Variants in CDH13 observed in about 807,000 individuals in gnomAD.
The protein encoded by CDH13 is cadherin-13.
In CDH13, 24 loss-of-function variants were observed where a neutral mutation model predicts 63.8. The observed-to-expected ratio is 0.38, with a 90% CI of 0.27 to 0.53. The LOEUF (loss-of-function observed/expected upper bound fraction) is 0.53. Among genes scored for constraint, CDH13 ranks in the 20% least tolerant of loss-of-function variants. CDH13 has a pLI of 0.85. For missense variants in CDH13, 1,049 were observed against 903.1 expected, an observed-to-expected ratio of 1.16 and a Z score of -2.07; for synonymous variants, 503 against 355.3, an observed-to-expected ratio of 1.42 and a Z score of -4.67.
chr16:83,539,170 A>G lies in CDH13; in HGVS notation c.960+52515A>G, dbSNP rs999861559. On this transcript the variant is annotated intron_variant, in intron 7 of 13. Coordinates refer to ENST00000567109, the MANE Select transcript of CDH13 (RefSeq NM_001257.5). ...CCAGGGACCGGTTTTGTGGAAGACA[A>G]TTTTTCTGTGGGCAAGGGTGGGGGA... 7.2e-5 allele frequency among the ~76,000 whole-genome samples: 11 copies of G among 152,098 alleles called. No homozygotes were observed. In the East Asian group the frequency reaches 1.7e-3, roughly 24 times the overall value.
At chr16:83,730,727 C>T (rs1010417689) in intron 10 of CDH13, among the ~76,000 whole-genome samples, 3 of 152,020 alleles carry the variant, frequency 2.0e-5, no homozygotes, top group East Asian at 1.9e-4. Flanking sequence ...GGGTCTATTG[C>T]GTGTTGCTGA....
At chr16:82,774,545 T>G (rs1374525167) in intron 1 of CDH13, among the ~76,000 whole-genome samples, 1 of 152,248 alleles carries the variant, frequency 6.6e-6, no homozygotes, top group African/African-American at 2.4e-5. Flanking sequence ...AAGAATTATT[T>G]CATTCAACAA....
In CDH13 at chr16:83,447,415, C is replaced by CA. The variant is rs1033738026; in HGVS notation, c.782-39055dup. ...GGGCTACAAGAGCTAGACTCCATCC[C>CA]AAAAAAACAAAGAAAAAAAAGTTTG... On this transcript the variant is annotated intron_variant, in intron 6 of 13. Transcript: ENST00000567109. Among the ~76,000 whole-genome samples, 130 of 151,608 alleles carry CA rather than the reference C, an allele frequency of 8.6e-4. 1 individual carries two copies. The highest frequency in any genetic ancestry group is 3.0e-3 in the African/African-American group (124 of 41,324).
At chr16:83,216,127 TG>T (rs2039500918) in intron 4 of CDH13, among the ~76,000 whole-genome samples, 1 of 151,882 alleles carries the variant, frequency 6.6e-6, no homozygotes, top group African/African-American at 2.4e-5. Flanking sequence ...TCCCTCTGCC[TG>T]GAACTACTCT....
chr16:82,738,855 T>C (rs1418587651), intron 1 of CDH13, among the ~76,000 whole-genome samples: 2 of 152,236 alleles, frequency 1.3e-5, no homozygotes, highest in Non-Finnish European at 2.9e-5. Context: ...CATGAACATG[T>C]CTTACCATTT....
Position 83,437,375 on chromosome 16 carries a change from G to A in CDH13, c.782-49102G>A, listed in dbSNP as rs565105255. Among the ~76,000 whole-genome samples, 7 of 152,014 alleles carry A rather than the reference G, an allele frequency of 4.6e-5. No homozygotes were observed. The East Asian group carries it at 5.8e-4, about 13-fold the overall frequency. On this transcript the variant is annotated intron_variant, in intron 6 of 13. Coordinates refer to ENST00000567109, the MANE Select transcript of CDH13 (RefSeq NM_001257.5). ...ACTCAGCTTAATAATGTACATATTC[G>A]ATTAATAAGATAAAGGCTGGCCGGG... is the stretch of plus-strand genomic sequence containing the variant.
chr16:83,033,745 C>T (rs577137413), intron 3 of CDH13, among the ~76,000 whole-genome samples: 3 of 152,300 alleles, frequency 2.0e-5, no homozygotes, highest in South Asian at 2.1e-4. Context: ...CTACTGACTC[C>T]TGCCTTCTTC....
At chr16:83,015,677 G>GTATATATATATATATATATA (rs71148803) in intron 2 of CDH13, among the ~76,000 whole-genome samples, 2 of 37,564 alleles carry the variant, frequency 5.3e-5, no homozygotes, top group African/African-American at 8.7e-5. Context: ...GTGTGTGTAT[G>GTATATATATATATATATATA]TATATATATA....
intron 1 of CDH13, among the ~76,000 whole-genome samples, chr16:82,697,053 C>G (rs557178504): frequency 6.6e-6 from 1 of 152,244 alleles, no homozygotes; most frequent in East Asian, 1.9e-4. Context: ...AACCAGAACA[C>G]CAGTTATGTC....
intron 2 of CDH13, among the ~76,000 whole-genome samples, chr16:83,026,163 G>C (rs552679942): frequency 1.3e-5 from 2 of 152,328 alleles, no homozygotes; most frequent in Non-Finnish European, 2.9e-5. Context: ...GTTGTTCTCA[G>C]TGTGACCTCA....
intron 1 of CDH13, chr16:82,844,804 T>A (rs1472392809): frequency 3.7e-5 from 2 of 54,096 alleles, no homozygotes; most frequent in African/African-American, 8.5e-5. Context: ...CAAGCCCTGC[T>A]AATTTTTATT....
chr16:82,977,876 A>G (rs1244509510), intron 2 of CDH13, among the ~76,000 whole-genome samples: 4 of 152,230 alleles, frequency 2.6e-5, no homozygotes, highest in Admixed American at 2.0e-4. Context: ...GGCTCAGAAG[A>G]CAGGAAGATG....
At chr16:83,766,875 T>C (rs963254322) in intron 11 of CDH13, among the ~76,000 whole-genome samples, 2 of 152,164 alleles carry the variant, frequency 1.3e-5, no homozygotes, top group Non-Finnish European at 2.9e-5. Flanking sequence ...GACTGTTTTA[T>C]AAGCATCTGG....
intron 1 of CDH13, among the ~76,000 whole-genome samples, chr16:82,834,741 T>C (rs2038694202): frequency 6.6e-6 from 1 of 152,182 alleles, no homozygotes. Context: ...GGATATTCAC[T>C]GGAGATTTTG....
intron 11 of CDH13, among the ~76,000 whole-genome samples, chr16:83,754,232 T>C (rs1288670117): frequency 4.6e-5 from 7 of 152,110 alleles, no homozygotes; most frequent in Non-Finnish European, 1.0e-4. Context: ...ATTTGCCAGA[T>C]TTTGAAGGTA....
chr16:83,562,287 A>G (rs959553633), intron 7 of CDH13, among the ~76,000 whole-genome samples: 50 of 152,132 alleles, frequency 3.3e-4, no homozygotes, highest in Admixed American at 3.3e-3. Flanking sequence ...GATAATAAGA[A>G]CTTTTCATCT....
At chr16:83,030,769 A>G (rs531162817) in intron 2 of CDH13, among the ~76,000 whole-genome samples, 17 of 151,898 alleles carry the variant, frequency 1.1e-4, no homozygotes, top group Middle Eastern at 6.8e-3. Flanking sequence ...CAAATCGTCC[A>G]GGGCTACCAG....
chr16:83,675,355 C>T (rs1914867555), intron 9 of CDH13, among the ~76,000 whole-genome samples: 1 of 152,152 alleles, frequency 6.6e-6, no homozygotes, highest in Non-Finnish European at 1.5e-5. Context: ...TTAGCATGGC[C>T]CTGCTCCCTT....
chr16:83,723,704 T>C (rs1484979907), intron 10 of CDH13, among the ~76,000 whole-genome samples: 1 of 152,258 alleles, frequency 6.6e-6, no homozygotes, highest in Non-Finnish European at 1.5e-5. Flanking sequence ...ACTATTTTTA[T>C]GATCTCCCTT....
Sources: allele counts gnomAD v4.1 joint callset (sites outside exome capture counted in the v4.1 genomes callset), GRCh38; gene constraint gnomAD v4.1.1; transcripts MANE v1.5; gene names NCBI Gene and HGNC (gene_info 2026-07-23, HGNC 2026-07-21).